The following RESF1 variants were observed in gnomAD, a reference collection of about 807,000 sequenced individuals.
The protein encoded by RESF1 is gonad expressed transcript.
A neutral mutation model predicts 134.7 loss-of-function variants in RESF1; 65 were observed. The observed-to-expected ratio is 0.48, with a 90% CI of 0.40 to 0.59. RESF1 has a LOEUF of 0.59. Ranked by LOEUF, RESF1 falls within the 20% of genes least tolerant of loss-of-function variation. The pLI, the probability that RESF1 is intolerant of heterozygous loss-of-function variation, is 0.00. For missense variants in RESF1, 2,274 were observed against 2,002.7 expected, an observed-to-expected ratio of 1.14 and a Z score of -2.59; for synonymous variants, 762 against 702.2, an observed-to-expected ratio of 1.09 and a Z score of -1.35.
At position 31,992,421 on chromosome 12, in the gene RESF1, T is replaced by C; in HGVS notation, c.5130T>C (p.Asp1710=). The C allele has an allele frequency of 6.2e-7, 1 of 1,613,884 alleles. No homozygotes were observed. Among genetic ancestry groups the C allele is most frequent in the Middle Eastern group, 1.7e-4 (1 of 6,060 alleles). ...SRLSKRSFSA[D]GFEMLQNPVK... ...TCTCGAAGAGAAGCTTCAGTGCAGA[T>C]GGATTTGAGATGCTACAAAACCCAG... The change falls in exon 6 of 6, where the codon GAT becomes GAC. Residue 1710 remains aspartate (D), a synonymous_variant. Transcript: ENST00000312561.
In RESF1 at chr12:31,982,134, A is replaced by G. The variant is rs766566562; in HGVS notation, c.1179A>G (p.Leu393=). ...VLDTSVAKEK[L]VRDIKTLVEI... is the part of the protein sequence containing the mutation. ...ACACAAGTGTTGCAAAAGAAAAGCT[A>G]GTAAGGGATATTAAAACATTAGTAG... Residue 393 remains leucine (L), a synonymous_variant, in exon 4 of 6, where the codon CTA becomes CTG. Transcript: ENST00000312561. 6 of 1,613,930 alleles carry G rather than the reference A, an allele frequency of 3.7e-6. No homozygotes were observed. Among genetic ancestry groups the G allele is most frequent in the Middle Eastern group, 3.3e-4 (2 of 6,062 alleles).
chr12:31,986,810 A>G (rs1939982062), intron 4 of RESF1, among the ~76,000 whole-genome samples: 1 of 152,240 alleles, frequency 6.6e-6, no homozygotes, highest in Admixed American at 6.5e-5. Flanking sequence ...AAACAATAGC[A>G]TAAACAGGAT....
In RESF1 at chr12:31,981,951, C is replaced by A. The variant is rs768369842; in HGVS notation, c.996C>A (p.Ser332Arg). Residue 332 changes from serine to arginine, a missense_variant, in exon 4 of 6, where the codon AGC (serine) becomes AGA (arginine). Ser to Arg is a moderately radical substitution (Grantham distance 110). Transcript: ENST00000312561. The part of the protein sequence containing the change: ...QQWQNPNENV[S>R]TIGNFTNLKV... The stretch of plus-strand genomic sequence containing the variant: ...GGCAAAACCCTAATGAAAATGTCAG[C>A]ACAATTGGAAATTTCACTAACTTGA... 2.8e-5 allele frequency: 45 copies of A among 1,614,196 alleles called. No homozygotes were observed. In the South Asian group the frequency reaches 4.9e-4, roughly 18 times the overall value.
chr12:31,982,338 G>A lies in RESF1; in HGVS notation c.1383G>A (p.Met461Ile). Reference sequence around the variant, plus strand: ...CTGGACCCCAGATAACTCCAGTAATGCCAGAGAATGCAGAGAGACAAACAC... The same window carrying A: ...CTGGACCCCAGATAACTCCAGTAATACCAGAGAATGCAGAGAGACAAACAC... Reference protein sequence around the residue: ...IQSGPQITPVMPENAERQTPT... With the variant: ...IQSGPQITPVIPENAERQTPT... The change falls in exon 4 of 6, where the codon ATG becomes ATA. Residue 461 changes from methionine (M) to isoleucine (I), a missense_variant. Met to Ile is a conservative substitution (Grantham distance 10, BLOSUM62 1). Coordinates refer to ENST00000312561, the MANE Select transcript of RESF1 (RefSeq NM_018169.4). The A allele has an allele frequency of 6.2e-6, 10 of 1,614,134 alleles. No homozygotes were observed. The highest frequency in any genetic ancestry group is 8.5e-6 in the Non-Finnish European group (10 of 1,180,014).
In RESF1 at chr12:31,985,959, T is replaced by A; in HGVS notation, c.5002+2T>A. ...GGAAGGAGCAAGCCCCTCTGCAAGG[T>A]CCAGTATGATTTTCTTGGTGGTGTC... On this transcript the variant is annotated splice_donor_variant, in intron 4 of 5. Coordinates refer to ENST00000312561, the MANE Select transcript of RESF1 (RefSeq NM_018169.4). LOFTEE classifies it high-confidence loss of function. The A allele has an allele frequency of 5.5e-6, 8 of 1,460,390 alleles. No homozygotes were observed. Among genetic ancestry groups the A allele is most frequent in the Non-Finnish European group, 7.2e-6 (8 of 1,108,526 alleles). The allele number at this position is 1,460,390 out of a possible 1,614,324, so 90.5% of individuals were successfully genotyped here. A position where few individuals can be genotyped will look rare whatever the true frequency, so the allele number is the denominator to read the frequency against.
chr12:31,987,424 G>C lies in RESF1; in HGVS notation c.5086+102G>C. ...GATTGTAAAGTATGATTTTATCCAT[G>C]TTCTTTTTTTTTTTTCAGTCATTCA... On this transcript the variant is annotated intron_variant, in intron 5 of 5. Coordinates refer to ENST00000312561, the MANE Select transcript of RESF1 (RefSeq NM_018169.4). 3 of 623,820 alleles carry C rather than the reference G, an allele frequency of 4.8e-6. No individual in the cohort carries two copies. In the South Asian group the frequency reaches 7.3e-5, roughly 15 times the overall value. The allele number at this position is 623,820 out of a possible 1,614,324, so 38.6% of individuals were successfully genotyped here.
chr12:31,980,194 C>T (rs1183057995), intron 3 of RESF1, among the ~76,000 whole-genome samples: 2 of 144,972 alleles, frequency 1.4e-5, no homozygotes, highest in African/African-American at 5.0e-5. Context: ...TTACTGTATC[C>T]TCCACCTCCC....
Position 31,971,013 on chromosome 12 carries a change from G to A in RESF1, c.-79+657G>A, listed in dbSNP as rs145168167. Among the ~76,000 whole-genome samples, 548 of 152,216 alleles carry A rather than the reference G, an allele frequency of 3.6e-3. 2 individuals are homozygous for A. The highest frequency in any genetic ancestry group is 0.013 in the African/African-American group (522 of 41,532). On this transcript the variant is annotated intron_variant, in intron 3 of 5. Coordinates refer to ENST00000312561, the MANE Select transcript of RESF1 (RefSeq NM_018169.4). The stretch of plus-strand genomic sequence containing the variant: ...GATTATTTCTACCTCAAGAACCTTC[G>A]TTTTAGACAACAGTGCATATATGTT...
Position 31,982,849 on chromosome 12 carries a change from A to G in RESF1, c.1894A>G (p.Met632Val), listed in dbSNP as rs779985607. ...MTGNQLNLKN[M>V]ETPSTSNVSG... Reference sequence around the variant, plus strand: ...TGGTAACCAACTGAATTTGAAGAACATGGAAACTCCAAGTACTTCTAATGT... The same window carrying G: ...TGGTAACCAACTGAATTTGAAGAACGTGGAAACTCCAAGTACTTCTAATGT... Residue 632 changes from methionine (M) to valine (V), a missense_variant, in exon 4 of 6, where the codon ATG becomes GTG. By Grantham distance (21) the Met-to-Val change is conservative (BLOSUM62 1). Transcript: ENST00000312561. 9.9e-6 allele frequency: 16 copies of G among 1,614,012 alleles called. No homozygotes were observed. Among genetic ancestry groups the G allele is most frequent in the Non-Finnish European group, 1.4e-5 (16 of 1,179,862 alleles).
intron 3 of RESF1, among the ~76,000 whole-genome samples, chr12:31,970,867 C>A (rs750220670): frequency 1.3e-5 from 2 of 151,690 alleles, no homozygotes; most frequent in Non-Finnish European, 2.9e-5. Flanking sequence ...GTCCCCCTCC[C>A]TTCTCCTATA....
At position 31,982,145 on chromosome 12, in the gene RESF1, T is replaced by C. The variant is rs1164119432; in HGVS notation, c.1190T>C (p.Ile397Thr). Residue 397 changes from isoleucine (I) to threonine (T), a missense_variant, in exon 4 of 6, where the codon ATT becomes ACT. By Grantham distance (89) the Ile-to-Thr change is moderately conservative (BLOSUM62 -1). Coordinates refer to ENST00000312561, the MANE Select transcript of RESF1 (RefSeq NM_018169.4). ...SVAKEKLVRD[I>T]KTLVEIKQKF... ...GCAAAAGAAAAGCTAGTAAGGGATATTAAAACATTAGTAGAGATAAAACAG... is the reference window on the plus strand; with the variant it reads ...GCAAAAGAAAAGCTAGTAAGGGATACTAAAACATTAGTAGAGATAAAACAG... 5 of 1,613,660 alleles carry C rather than the reference T, an allele frequency of 3.1e-6. No homozygotes were observed. The highest frequency in any genetic ancestry group is 4.2e-6 in the Non-Finnish European group (5 of 1,179,824).
rs773661452 is a variant in RESF1, at chr12:31,985,510, CTCAAAA to C, written c.4558_4563del (p.Lys1520_Ile1521del). On this transcript the variant is annotated inframe_deletion, in exon 4 of 6. Transcript: ENST00000312561. ...TGGCTTGACAAGCCATGGTAAAAAC[CTCAAAA>C]TCCACCATTCTCAGGAGTCTAAAAC... is the stretch of plus-strand genomic sequence containing the variant. The C allele has an allele frequency of 6.2e-7, 1 of 1,602,820 alleles. No individual in the cohort carries two copies. The highest frequency in any genetic ancestry group is 8.5e-7 in the Non-Finnish European group (1 of 1,176,892).
At position 31,982,895 on chromosome 12, in the gene RESF1, A is replaced by G. The variant is rs147359180; in HGVS notation, c.1940A>G (p.Asn647Ser). The G allele has an allele frequency of 2.7e-4, 429 of 1,613,908 alleles. No homozygotes were observed. Among genetic ancestry groups the G allele is most frequent in the Non-Finnish European group, 3.3e-4 (394 of 1,179,984 alleles). Residue 647 changes from asparagine (N) to serine (S), a missense_variant, in exon 4 of 6, where the codon AAC (asparagine) becomes AGC (serine). Asn to Ser is a conservative substitution (Grantham distance 46). Transcript: ENST00000312561. ...TSNVSGRVLDNSFCSGQESST... is the reference protein window; with the variant it reads ...TSNVSGRVLDSSFCSGQESST... ...AATGTAAGTGGCAGGGTTTTGGACA[A>G]CTCCTTTTGCAGTGGACAAGAATCC...
intron 2 of RESF1, among the ~76,000 whole-genome samples, chr12:31,967,674 TTG>T (rs911311292): frequency 2.0e-5 from 3 of 151,202 alleles, no homozygotes; most frequent in Non-Finnish European, 2.9e-5. Context: ...TTTGTTTTTT[TTG>T]TGTGTGTGTG....
At chr12:31,991,303 A>C (rs1940088561) in intron 5 of RESF1, among the ~76,000 whole-genome samples, 1 of 152,140 alleles carries the variant, frequency 6.6e-6, no homozygotes, top group Admixed American at 6.5e-5. Context: ...AGGAAATGAC[A>C]AGAATTTCTT....
At position 31,989,001 on chromosome 12, in the gene RESF1, T is replaced by A. The variant is rs144880026; in HGVS notation, c.5086+1679T>A. Among the ~76,000 whole-genome samples the A allele has an allele frequency of 5.1e-4, 78 of 151,496 alleles. No homozygotes were observed. The East Asian group carries it at 0.014, about 28-fold the overall frequency. ...GAGCCACCGTGTCCACCCGAATATA[T>A]GATTTAATTAGTGGAGTGAAAGTAC... On this transcript the variant is annotated intron_variant, in intron 5 of 5. Transcript: ENST00000312561.
Position 31,983,447 on chromosome 12 carries a change from T to G in RESF1, c.2492T>G (p.Ile831Ser). 1 of 1,613,996 alleles carries G rather than the reference T, an allele frequency of 6.2e-7. No individual in the cohort carries two copies. Among genetic ancestry groups the G allele is most frequent in the South Asian group, 1.1e-5 (1 of 91,082 alleles). Residue 831 changes from isoleucine (I) to serine (S), a missense_variant, in exon 4 of 6, where the codon ATT (isoleucine) becomes AGT (serine). By Grantham distance (142) the Ile-to-Ser change is moderately radical. Coordinates refer to ENST00000312561, the MANE Select transcript of RESF1 (RefSeq NM_018169.4). ...PVASTATSTKIFPLTQKEKQN... is the reference protein window; with the variant it reads ...PVASTATSTKSFPLTQKEKQN... Reference sequence around the variant, plus strand: ...GCAAGTACAGCAACATCAACCAAGATTTTTCCACTAACTCAGAAGGAAAAG... The same window carrying G: ...GCAAGTACAGCAACATCAACCAAGAGTTTTCCACTAACTCAGAAGGAAAAG...
At chr12:31,966,104 T>G (rs1939392676) in intron 2 of RESF1, among the ~76,000 whole-genome samples, 1 of 152,084 alleles carries the variant, frequency 6.6e-6, no homozygotes, top group African/African-American at 2.4e-5. Flanking sequence ...GGAAGAAGAA[T>G]TGTCTTGGGC....
chr12:31,988,053 A>G (rs1012281124), intron 5 of RESF1, among the ~76,000 whole-genome samples: 3 of 152,194 alleles, frequency 2.0e-5, no homozygotes, highest in East Asian at 1.9e-4. Context: ...AACTTTATCT[A>G]CCAAAATAGG....
Sources: gnomAD v4.1 joint callset for allele counts (sites outside exome capture counted in the v4.1 genomes callset) on GRCh38, gnomAD v4.1.1 for gene constraint, MANE v1.5 for transcripts, NCBI Gene and HGNC (gene_info 2026-07-23, HGNC 2026-07-21) for gene names.